Variants in CSMD3 observed in about 807,000 individuals in gnomAD.
CSMD3 encodes the protein CUB and sushi domain-containing protein 3.
A neutral mutation model predicts 435.2 loss-of-function variants in CSMD3; 177 were observed. The ratio of observed to expected loss-of-function variants is 0.41; its 90% confidence interval spans 0.36 to 0.46. CSMD3 has a LOEUF of 0.46. CSMD3 is among the 20% of genes least tolerant of loss of function. The probability of loss-of-function intolerance (pLI) is 0.34; values close to 1 mark genes in which losing one functional copy is unlikely to be tolerated. For synonymous variants in CSMD3, 1,656 were observed against 1,520.5 expected (o/e 1.09, Z -2.07); for missense variants, 4,265 against 4,504.6 (o/e 0.95, Z 1.52).
rs190963820 is a variant in CSMD3 at position 113,248,219 on chromosome 8, G to A, written c.514+30373C>T. 7.9e-4 allele frequency among the ~76,000 whole-genome samples: 120 copies of A among 151,874 alleles called. 1 individual carries two copies. Among genetic ancestry groups the A allele is most frequent in the Non-Finnish European group, 1.5e-4 (10 of 67,878 alleles). ...TGAACTGGCTCTCGTTAGTAAGAGT[G>A]TTGAATACAATGGTTAAAAATAGAG... On this transcript the variant is annotated intron_variant, in intron 3 of 70. Coordinates refer to ENST00000297405, the MANE Select transcript of CSMD3 (RefSeq NM_198123.2).
chr8:112,963,894 A>G (rs1488301639), intron 7 of CSMD3, among the ~76,000 whole-genome samples: 2 of 151,922 alleles, frequency 1.3e-5, no homozygotes, highest in Non-Finnish European at 2.9e-5. Flanking sequence ...TTTCCTAAGG[A>G]AATAAGCTAC....
intron 3 of CSMD3, among the ~76,000 whole-genome samples, chr8:113,217,784 GA>G (rs1379925151): frequency 6.6e-6 from 1 of 151,042 alleles, no homozygotes; most frequent in Non-Finnish European, 1.5e-5. Flanking sequence ...AAAATGGAAT[GA>G]AAAAACATAT....
At chr8:113,124,664 C>T (rs1331691302) in intron 4 of CSMD3, among the ~76,000 whole-genome samples, 1 of 151,790 alleles carries the variant, frequency 6.6e-6, no homozygotes, top group Non-Finnish European at 1.5e-5. Flanking sequence ...AAGTGAATTG[C>T]AAATATATTA....
At chr8:113,323,131 G>A (rs993627960) in intron 1 of CSMD3, among the ~76,000 whole-genome samples, 22 of 151,996 alleles carry the variant, frequency 1.4e-4, no homozygotes, top group Admixed American at 2.6e-4. Flanking sequence ...ACCCTCATTC[G>A]CTTTTTGAAG....
At chr8:112,738,302 G>A (rs538570612) in intron 13 of CSMD3, among the ~76,000 whole-genome samples, 1 of 151,804 alleles carries the variant, frequency 6.6e-6, no homozygotes, top group African/African-American at 2.4e-5. Context: ...GAATGTCAAA[G>A]ACGCAGCTGT....
At chr8:112,556,616 TC>T in intron 25 of CSMD3, 146 bp downstream of exon 25, 2 of 629,662 alleles carry the variant, frequency 3.2e-6, no homozygotes, top group Non-Finnish European at 5.5e-6. Flanking sequence ...CCATTAATTT[TC>T]TTTTGACAAA....
intron 32 of CSMD3, among the ~76,000 whole-genome samples, chr8:112,470,599 G>T (rs551083769): frequency 6.6e-6 from 1 of 151,982 alleles, no homozygotes; most frequent in East Asian, 1.9e-4. Context: ...ATGATATTAA[G>T]CATGAAGTAT....
At chr8:113,300,831 A>T (rs763463662) in intron 2 of CSMD3, among the ~76,000 whole-genome samples, 2 of 152,122 alleles carry the variant, frequency 1.3e-5, no homozygotes, top group Non-Finnish European at 2.9e-5. Flanking sequence ...TATCCTCTGA[A>T]TTCAAAAATT....
chr8:112,972,543 T>A (rs2130916224), intron 7 of CSMD3, among the ~76,000 whole-genome samples: 1 of 152,010 alleles, frequency 6.6e-6, no homozygotes, highest in South Asian at 2.1e-4. Context: ...TATATTATTA[T>A]GGATTAATGA....
intron 4 of CSMD3, among the ~76,000 whole-genome samples, chr8:113,163,193 G>GA (rs1158869808): frequency 2.6e-5 from 4 of 151,886 alleles, no homozygotes; most frequent in Non-Finnish European, 4.4e-5. Context: ...GCTGTGTTTT[G>GA]AAAAAACATA....
At chr8:113,248,482 TATAC>T (rs2093301426) in intron 3 of CSMD3, among the ~76,000 whole-genome samples, 1 of 135,906 alleles carries the variant, frequency 7.4e-6, no homozygotes, top group African/African-American at 2.7e-5. Flanking sequence ...TATATGTATA[TATAC>T]ATATATATAC....
intron 24 of CSMD3, among the ~76,000 whole-genome samples, chr8:112,565,967 A>G (rs1012635322): frequency 6.6e-6 from 1 of 151,898 alleles, no homozygotes; most frequent in African/African-American, 2.4e-5. Flanking sequence ...ATAAAAAAAA[A>G]TTCAGATTCT....
intron 1 of CSMD3, among the ~76,000 whole-genome samples, chr8:113,398,816 A>T (rs566965248): frequency 3.9e-5 from 6 of 152,100 alleles, no homozygotes; most frequent in African/African-American, 1.4e-4. Context: ...TCAAATTTAG[A>T]TAAAAATATT....
chr8:113,102,803 T>C (rs2131563922), intron 4 of CSMD3, among the ~76,000 whole-genome samples: 1 of 152,172 alleles, frequency 6.6e-6, no homozygotes, highest in East Asian at 1.9e-4. Context: ...CAACTAAGGG[T>C]CAGACCTTGC....
chr8:113,286,741 T>C (rs945668606), intron 2 of CSMD3, among the ~76,000 whole-genome samples: 2 of 152,028 alleles, frequency 1.3e-5, no homozygotes, highest in Non-Finnish European at 2.9e-5. Context: ...AAATGTAATG[T>C]GTATAACAGC....
intron 1 of CSMD3, among the ~76,000 whole-genome samples, chr8:113,359,871 T>A (rs995181542): frequency 3.9e-5 from 6 of 152,156 alleles, no homozygotes; most frequent in African/African-American, 1.4e-4. Flanking sequence ...TAGAAAGTAT[T>A]CAGACTTAAA....
At chr8:112,797,998 T>C (rs2078868889) in intron 13 of CSMD3, among the ~76,000 whole-genome samples, 1 of 151,910 alleles carries the variant, frequency 6.6e-6, no homozygotes, top group Non-Finnish European at 1.5e-5. Flanking sequence ...TGGATATTGC[T>C]AGCAGAAATA....
chr8:112,393,913 C>T (rs1830652315), intron 35 of CSMD3, among the ~76,000 whole-genome samples: 1 of 151,462 alleles, frequency 6.6e-6, no homozygotes, highest in African/African-American at 2.4e-5. Context: ...TCATTCTCCT[C>T]TTTGTAACTT....
chr8:112,279,107 A>G (rs576633693), intron 59 of CSMD3, among the ~76,000 whole-genome samples: 15 of 152,146 alleles, frequency 9.9e-5, no homozygotes, highest in Non-Finnish European at 2.1e-4. Context: ...AAGATCCACA[A>G]CTGGACTCAA....
Sources: gnomAD v4.1 joint callset for allele counts (sites outside exome capture counted in the v4.1 genomes callset) on GRCh38, gnomAD v4.1.1 for gene constraint, MANE v1.5 for transcripts, NCBI Gene and HGNC (gene_info 2026-07-23, HGNC 2026-07-21) for gene names.